SRSF11: variants seen among roughly 807,000 people sequenced by gnomAD.
The protein encoded by SRSF11 is serine and arginine rich splicing factor 11.
A neutral mutation model predicts 56.0 loss-of-function variants in SRSF11; 9 were observed. That is an observed-to-expected ratio of 0.16 (90% CI 0.10 to 0.28). The LOEUF is 0.28. Ranked by LOEUF, SRSF11 falls within the 10% of genes least tolerant of loss-of-function variation. The pLI, the probability that SRSF11 is intolerant of heterozygous loss-of-function variation, is 1.00. For synonymous variants in SRSF11, 222 were observed against 215.3 expected (o/e 1.03, Z -0.27); for missense variants, 421 against 600.7 (o/e 0.70, Z 3.13).
Position 70,221,451 on chromosome 1 carries a change from C to G in SRSF11, c.-186C>G. 1 of 858,406 alleles carries G rather than the reference C, an allele frequency of 1.2e-6. No individual in the cohort carries two copies. The highest frequency in any genetic ancestry group is 1.8e-6 in the Non-Finnish European group (1 of 560,998). 53.2% of individuals were successfully genotyped at this position (858,406 alleles called of 1,614,324 possible). Reference sequence around the variant, plus strand: ...GGTCTCGAGCTCGCGCGCTCTCATCCCCTCCCCCGCGGCGTGCGGCGGGGC... The same window carrying G: ...GGTCTCGAGCTCGCGCGCTCTCATCGCCTCCCCCGCGGCGTGCGGCGGGGC... On this transcript the variant is annotated 5_prime_UTR_variant, in exon 1 of 12. Coordinates refer to ENST00000370949, the MANE Select transcript of SRSF11 (RefSeq NM_001350605.2).
Position 70,247,069 on chromosome 1 carries a change from A to C in SRSF11, c.1022+162A>C, listed in dbSNP as rs150991191. On this transcript the variant is annotated intron_variant, in intron 9 of 11. Coordinates refer to ENST00000370949, the MANE Select transcript of SRSF11 (RefSeq NM_001350605.2). The stretch of plus-strand genomic sequence containing the variant: ...AAAGTTTTTAAAAGGCAATTTGTGA[A>C]GAATAATGTAGTTTATTTTTCTTTT... 2.6e-4 allele frequency: 284 copies of C among 1,110,578 alleles called. 1 individual carries two copies. The East Asian group carries it at 6.3e-3, about 25-fold the overall frequency. 68.8% of individuals were successfully genotyped at this position (1,110,578 alleles called of 1,614,324 possible).
intron 9 of SRSF11, 30 bp downstream of exon 9, chr1:70,246,937 T>A: frequency 6.4e-7 from 1 of 1,563,064 alleles, no homozygotes; most frequent in Non-Finnish European, 8.7e-7. Context: ...TCTTGGCAAT[T>A]ATTTTTTTAA....
At chr1:70,230,293 T>C (rs1216254515) in intron 2 of SRSF11, 1 of 999,892 alleles carries the variant, frequency 1.0e-6, no homozygotes, top group Non-Finnish European at 1.2e-6. Context: ...TTAATTCTGG[T>C]ATGATATGCT....
At chr1:70,233,134 A>G (rs1011421017) in intron 3 of SRSF11, among the ~76,000 whole-genome samples, 3 of 152,140 alleles carry the variant, frequency 2.0e-5, no homozygotes, top group Non-Finnish European at 4.4e-5. Context: ...GACTTTTATC[A>G]CTTAACTCCT....
chr1:70,205,774 C>T, exon 1 of SRSF11: 2 of 452,340 alleles, frequency 4.4e-6, no homozygotes, highest in South Asian at 4.7e-5. Context: ...GGAATTACTT[C>T]AATCAAGTAA....
rs115616817 is a variant in SRSF11, at chr1:70,233,880, A to G, written c.448-816A>G. 4.4e-3 allele frequency among the ~76,000 whole-genome samples: 677 copies of G among 152,294 alleles called. 6 individuals carry two copies. Among genetic ancestry groups the G allele is most frequent in the African/African-American group, 0.016 (664 of 41,560 alleles). ...ACAGGGAACATTTAAGGAATTACTA[A>G]CTAGTTATAGGAGATTACTAGGGGA... is the stretch of plus-strand genomic sequence containing the variant. On this transcript the variant is annotated intron_variant, in intron 3 of 11. Transcript: ENST00000370949.
intron 1 of SRSF11, among the ~76,000 whole-genome samples, chr1:70,227,703 C>T (rs1672102878): frequency 6.6e-6 from 1 of 152,312 alleles, no homozygotes; most frequent in East Asian, 1.9e-4. Flanking sequence ...CTTACACTGC[C>T]ATAGCTTGCA....
upstream of SRSF11, among the ~76,000 whole-genome samples, chr1:70,217,385 G>A (rs1670110130): frequency 1.3e-5 from 2 of 152,076 alleles, no homozygotes; most frequent in East Asian, 1.9e-4. Context: ...CTCAACTCCC[G>A]ACCTCAGGTG....
At chr1:70,246,606 G>A in intron 8 of SRSF11, 1 of 376,792 alleles carries the variant, frequency 2.7e-6, no homozygotes, top group South Asian at 6.8e-5. Flanking sequence ...AGTCTACTTG[G>A]GAGAAAACCT....
At chr1:70,226,346 A>G (rs1401406205) in intron 1 of SRSF11, among the ~76,000 whole-genome samples, 3 of 152,172 alleles carry the variant, frequency 2.0e-5, no homozygotes, top group Non-Finnish European at 4.4e-5. Context: ...ATTCATATTT[A>G]ATCTGTACCC....
chr1:70,232,177 G>A, intron 2 of SRSF11, 91 bp from the exon 3 acceptor site: 1 of 1,599,428 alleles, frequency 6.3e-7, no homozygotes, highest in East Asian at 2.2e-5. Context: ...ACAAACTCAG[G>A]TGGTGTATCA....
rs1409997218 is a variant in SRSF11 at position 70,221,848 on chromosome 1, C to T, written c.203+9C>T. 3.7e-6 allele frequency: 6 copies of T among 1,613,650 alleles called. No individual in the cohort carries two copies. The highest frequency in any genetic ancestry group is 4.2e-6 in the Non-Finnish European group (5 of 1,179,926). Reference sequence around the variant, plus strand: ...CGCCTCTTCCCGCCGGAGTGAGTATCGTCCACCATCACTGTTCCTGCTAAC... The same window carrying T: ...CGCCTCTTCCCGCCGGAGTGAGTATTGTCCACCATCACTGTTCCTGCTAAC... On this transcript the variant is annotated intron_variant, in intron 1 of 11. Transcript: ENST00000370949.
chr1:70,223,969 T>C (rs1451450447), intron 1 of SRSF11, among the ~76,000 whole-genome samples: 3 of 152,192 alleles, frequency 2.0e-5, no homozygotes, highest in Non-Finnish European at 2.9e-5. Context: ...TTCAGCCCAC[T>C]GTGAATTGAA....
intron 10 of SRSF11, 111 bp downstream of exon 10, chr1:70,250,158 AATGT>A: frequency 7.9e-7 from 1 of 1,265,778 alleles, no homozygotes; most frequent in Admixed American, 2.1e-5. Context: ...AGAATGTTTT[AATGT>A]ATTCTCCTTC....
intron 8 of SRSF11, among the ~76,000 whole-genome samples, chr1:70,246,169 T>C (rs185019387): frequency 6.6e-6 from 1 of 152,214 alleles, no homozygotes; most frequent in Admixed American, 6.5e-5. Flanking sequence ...TCAACAAATA[T>C]ATATCGTTTA....
In SRSF11 at chr1:70,208,551, T is replaced by A. The variant is rs141830222; in HGVS notation, c.-26+2771T>A. On this transcript the variant is annotated intron_variant, in intron 1 of 12. Transcript: ENST00000370950. ...CAGGGTTTCGCCATGTTGGCCAGAT[T>A]GGTCTCAAACTCCTGGCCTCATGTG... Among the ~76,000 whole-genome samples the A allele has an allele frequency of 1.1e-3, 165 of 152,308 alleles. 3 individuals are homozygous for A. In the East Asian group the frequency reaches 0.025, roughly 23 times the overall value.
At chr1:70,247,421 G>C (rs1382551314) in intron 9 of SRSF11, among the ~76,000 whole-genome samples, 1 of 152,038 alleles carries the variant, frequency 6.6e-6, no homozygotes, top group African/African-American at 2.4e-5. Flanking sequence ...CTTAATTTGG[G>C]ATTTATATGA....
At chr1:70,217,943 G>A (rs1010433751), upstream of SRSF11, among the ~76,000 whole-genome samples, 1 of 152,060 alleles carries the variant, frequency 6.6e-6, no homozygotes, top group Non-Finnish European at 1.5e-5. Flanking sequence ...CAAATCACAT[G>A]CTTGATGACA....
In SRSF11 at chr1:70,237,416, C is replaced by G. The variant is rs928097687; in HGVS notation, c.591-9C>G. 1.2e-6 allele frequency: 2 copies of G among 1,611,080 alleles called. No homozygotes were observed. On this transcript the variant is annotated splice_polypyrimidine_tract_variant and intron_variant, in intron 5 of 11. Coordinates refer to ENST00000370949, the MANE Select transcript of SRSF11 (RefSeq NM_001350605.2). ...ATATTTCAGATCCCATTTCTTGGTT[C>G]TGTTTCAGGTTGAATCATGTAGCTG...
Sources: gnomAD v4.1 joint callset for allele counts (sites outside exome capture counted in the v4.1 genomes callset) on GRCh38, gnomAD v4.1.1 for gene constraint, MANE v1.5 for transcripts, NCBI Gene and HGNC (gene_info 2026-07-23, HGNC 2026-07-21) for gene names.